Variants in CDH18 observed in about 807,000 individuals in gnomAD.
CDH18 encodes the protein cadherin 18.
Under a neutral mutation model 67.9 loss-of-function variants are expected in CDH18, and 31 were observed. The ratio of observed to expected loss-of-function variants is 0.46; its 90% CI spans 0.34 to 0.62. The LOEUF is 0.62. Ranked by LOEUF, CDH18 falls within the 20% of genes least tolerant of loss-of-function variation. The pLI is 0.01. For missense variants in CDH18, 890 were observed against 975.5 expected, an observed-to-expected ratio of 0.91 and a Z score of 1.17; for synonymous variants, 362 against 347.2, an observed-to-expected ratio of 1.04 and a Z score of -0.48.
chr5:20,108,443 A>G (rs1747173006), intron 2 of CDH18, among the ~76,000 whole-genome samples: 1 of 152,080 alleles, frequency 6.6e-6, no homozygotes, highest in Non-Finnish European at 1.5e-5. Flanking sequence ...TCGAGGAACT[A>G]GGGGTTAGGA....
chr5:19,858,716 T>C (rs1259209403), intron 2 of CDH18, among the ~76,000 whole-genome samples: 1 of 152,206 alleles, frequency 6.6e-6, no homozygotes, highest in Non-Finnish European at 1.5e-5. Flanking sequence ...AAAATGTTCT[T>C]GCACTAGAAC....
chr5:19,750,166 AGACT>A (rs2149665009), intron 3 of CDH18, among the ~76,000 whole-genome samples: 1 of 152,178 alleles, frequency 6.6e-6, no homozygotes, highest in East Asian at 1.9e-4. Flanking sequence ...GTTATTTAGT[AGACT>A]GACTAATAGT....
At chr5:20,421,907 T>G (rs1747892574) in intron 1 of CDH18, among the ~76,000 whole-genome samples, 1 of 150,808 alleles carries the variant, frequency 6.6e-6, no homozygotes, top group Non-Finnish European at 1.5e-5. Flanking sequence ...ATTGTACTAA[T>G]ATTATTTGAG....
At chr5:20,539,757 A>C (rs1025306) in intron 1 of CDH18, among the ~76,000 whole-genome samples, 7,019 of 51,178 alleles carry the variant, frequency 0.14, 480 homozygotes, top group African/African-American at 0.27. Flanking sequence ...CACACACACA[A>C]ACACACACAC....
intron 3 of CDH18, among the ~76,000 whole-genome samples, chr5:19,797,487 A>G (rs1776980503): frequency 6.6e-6 from 1 of 152,008 alleles, no homozygotes; most frequent in Non-Finnish European, 1.5e-5. Flanking sequence ...TCATACAACT[A>G]AGTGAGTTCA....
At chr5:19,764,566 T>A (rs939244707) in intron 3 of CDH18, among the ~76,000 whole-genome samples, 2 of 151,752 alleles carry the variant, frequency 1.3e-5, no homozygotes, top group African/African-American at 4.8e-5. Flanking sequence ...CTTTAATGAC[T>A]TAGTTCCCTT....
intron 2 of CDH18, among the ~76,000 whole-genome samples, chr5:20,177,714 G>C (rs1344016685): frequency 6.6e-6 from 1 of 152,056 alleles, no homozygotes; most frequent in African/African-American, 2.4e-5. Context: ...TGTGTTGTTG[G>C]AGGGACCCAG....
At chr5:19,857,370 C>T (rs536946907) in intron 2 of CDH18, among the ~76,000 whole-genome samples, 1 of 152,060 alleles carries the variant, frequency 6.6e-6, no homozygotes, top group Non-Finnish European at 1.5e-5. Flanking sequence ...AGAGACGTGA[C>T]CATAGGCTAG....
At chr5:20,241,636 G>A (rs1359019470) in intron 2 of CDH18, among the ~76,000 whole-genome samples, 1 of 151,956 alleles carries the variant, frequency 6.6e-6, no homozygotes, top group Non-Finnish European at 1.5e-5. Flanking sequence ...TGGATCACGA[G>A]GTCACAAGAT....
At chr5:20,015,398 C>G (rs1021755816) in intron 2 of CDH18, among the ~76,000 whole-genome samples, 1 of 152,098 alleles carries the variant, frequency 6.6e-6, no homozygotes, top group South Asian at 2.1e-4. Context: ...GGATCATCAG[C>G]ATACAATAGT....
intron 1 of CDH18, among the ~76,000 whole-genome samples, chr5:20,303,274 T>A (rs1180197371): frequency 8.5e-5 from 13 of 152,166 alleles, no homozygotes; most frequent in Admixed American, 6.5e-5. Flanking sequence ...GTGTATATGA[T>A]AAGCTACCAA....
At chr5:19,545,402 G>A (rs975007210) in intron 8 of CDH18, among the ~76,000 whole-genome samples, 53 of 152,232 alleles carry the variant, frequency 3.5e-4, no homozygotes, top group African/African-American at 1.3e-3. Context: ...GAAAGCAATG[G>A]CAAGAATTTC....
At chr5:20,551,892 A>G (rs1757653005) in intron 1 of CDH18, among the ~76,000 whole-genome samples, 1 of 152,154 alleles carries the variant, frequency 6.6e-6, no homozygotes, top group African/African-American at 2.4e-5. Flanking sequence ...GTTAATCTAT[A>G]TCTCTTTAAT....
intron 2 of CDH18, among the ~76,000 whole-genome samples, chr5:20,003,758 C>T (rs796175979): frequency 6.6e-6 from 1 of 151,950 alleles, no homozygotes; most frequent in African/African-American, 2.4e-5. Flanking sequence ...ATTAGCCGGG[C>T]GTGGTGGCGG....
intron 1 of CDH18, among the ~76,000 whole-genome samples, chr5:20,370,482 G>T (rs377025843): frequency 6.6e-6 from 1 of 152,038 alleles, no homozygotes; most frequent in African/African-American, 2.4e-5. Context: ...TTTTTTGACC[G>T]TTACCCATAG....
intron 1 of CDH18, among the ~76,000 whole-genome samples, chr5:20,383,505 T>C (rs1744078410): frequency 6.6e-6 from 1 of 152,182 alleles, no homozygotes; most frequent in Non-Finnish European, 1.5e-5. Flanking sequence ...ATATCTAGCA[T>C]TTGTTTTCTT....
intron 2 of CDH18, among the ~76,000 whole-genome samples, chr5:19,878,295 G>A (rs1464917726): frequency 1.3e-5 from 2 of 152,078 alleles, no homozygotes; most frequent in South Asian, 4.1e-4. Context: ...TAAAACACAT[G>A]ACATGGCAGA....
At chr5:20,479,619 T>C (rs1324364554) in intron 1 of CDH18, among the ~76,000 whole-genome samples, 1 of 152,042 alleles carries the variant, frequency 6.6e-6, no homozygotes, top group Non-Finnish European at 1.5e-5. Flanking sequence ...CTACAAGATC[T>C]AGAAAATAGT....
At chr5:20,060,617 A>C (rs1440205290) in intron 2 of CDH18, among the ~76,000 whole-genome samples, 1 of 152,204 alleles carries the variant, frequency 6.6e-6, no homozygotes, top group Non-Finnish European at 1.5e-5. Flanking sequence ...TAAAAATGTG[A>C]GCCCCGTGTA....
Sources: allele counts gnomAD v4.1 joint callset (sites outside exome capture counted in the v4.1 genomes callset), GRCh38; gene constraint gnomAD v4.1.1; transcripts MANE v1.5; gene names NCBI Gene and HGNC (gene_info 2026-07-23, HGNC 2026-07-21).